The following PLEKHA4 variants were observed in gnomAD, a reference collection of about 807,000 sequenced individuals.
PLEKHA4 encodes pleckstrin homology domain containing A4.
PLEKHA4 carries 73 observed loss-of-function variants against 94.7 expected under a neutral mutation model. The observed-to-expected ratio is 0.77, with a 90% CI of 0.64 to 0.94. The LOEUF (loss-of-function observed/expected upper bound fraction) is 0.94. PLEKHA4 is among the 40% of genes least tolerant of loss of function. PLEKHA4 has a pLI of 0.00. For missense variants in PLEKHA4, 1,049 were observed against 1,054.1 expected (o/e 1.00, Z 0.07); for synonymous variants, 449 against 437.1 (o/e 1.03, Z -0.34).
rs954685327 is a variant in PLEKHA4 at position 48,846,322 on chromosome 19, G to T, written c.1567-706C>A. On this transcript the variant is annotated intron_variant, in intron 14 of 19. Transcript: ENST00000263265. ...AAAAATTAGCCGGGCGTGGTGGCAG[G>T]TGCCTGTAGTCCCAGCTACTCGGGA... Among the ~76,000 whole-genome samples the T allele has an allele frequency of 2.0e-5, 3 of 151,016 alleles. 1 individual carries two copies. In the East Asian group the frequency reaches 5.9e-4, roughly 30 times the overall value.
At chr19:48,849,320 G>T (rs867249821) in intron 13 of PLEKHA4, among the ~76,000 whole-genome samples, 5 of 151,830 alleles carry the variant, frequency 3.3e-5, no homozygotes, top group South Asian at 4.2e-4. Flanking sequence ...TGTTGTTGTT[G>T]TTTTTTAAGA....
At position 48,854,930 on chromosome 19, in the gene PLEKHA4, T is replaced by C. The variant is rs559734887; in HGVS notation, c.1048-666A>G. Among the ~76,000 whole-genome samples the C allele has an allele frequency of 1.6e-4, 24 of 151,920 alleles. No homozygotes were observed. The South Asian group carries it at 5.0e-3, about 31-fold the overall frequency. On this transcript the variant is annotated intron_variant, in intron 9 of 19. Coordinates refer to ENST00000263265, the MANE Select transcript of PLEKHA4 (RefSeq NM_020904.3). The stretch of plus-strand genomic sequence containing the variant: ...TATGTCACCCAGACCAGTCTTGAAC[T>C]CCTGATCTCAAATGATCCTCCTGCC...
intron 17 of PLEKHA4, 143 bp from the exon 18 acceptor site, chr19:48,839,406 G>A: frequency 2.0e-6 from 1 of 488,508 alleles, no homozygotes; most frequent in Non-Finnish European, 3.7e-6. Context: ...CTATGCTTCT[G>A]TAGGCACTGA....
chr19:48,845,338 T>C (rs752281730), intron 16 of PLEKHA4, 32 bp downstream of exon 16: 1 of 1,601,452 alleles, frequency 6.2e-7, no homozygotes, highest in Non-Finnish European at 8.5e-7. Context: ...GATGGTCAGA[T>C]GCAAGGATTA....
intron 16 of PLEKHA4, among the ~76,000 whole-genome samples, chr19:48,843,656 T>A (rs969226620): frequency 6.6e-6 from 1 of 151,574 alleles, no homozygotes; most frequent in Non-Finnish European, 1.5e-5. Context: ...AACTTTTTAT[T>A]TTTTATTTTT....
chr19:48,837,485 C>A lies in PLEKHA4; in HGVS notation c.2144G>T (p.Arg715Leu), dbSNP rs778981994. The stretch of plus-strand genomic sequence containing the variant: ...AGATCTGGGGGGAGGGGTCTCCTGG[C>A]GCGTGGGGTCCGAAGGAGGCAGCGG... ...GVPLPPSDPTRQETPPPRSPP... is the reference protein window; with the variant it reads ...GVPLPPSDPTLQETPPPRSPP... Residue 715 changes from arginine to leucine, a missense_variant, in exon 20 of 20, where the codon CGC becomes CTC. Transcript: ENST00000263265. This position sits in a 1 kb window ranked among gnomAD's most constrained non-coding sequence, Gnocchi z 4.3. 1 of 1,612,846 alleles carries A rather than the reference C, an allele frequency of 6.2e-7. No individual in the cohort carries two copies. The highest frequency in any genetic ancestry group is 8.5e-7 in the Non-Finnish European group (1 of 1,179,506).
At position 48,866,110 on chromosome 19, in the gene PLEKHA4, CTCTT is replaced by C. The variant is rs369550056; in HGVS notation, c.85-504_85-501del. Among the ~76,000 whole-genome samples the C allele has an allele frequency of 9.4e-4, 142 of 151,824 alleles. 1 individual carries two copies. The highest frequency in any genetic ancestry group is 3.2e-3 in the African/African-American group (132 of 41,456). ...GTGTTCTTATTGCAGAGTTAAGAGA[CTCTT>C]TTTTTTTTGACAGGCTCTTTGGAGT... On this transcript the variant is annotated intron_variant, in intron 2 of 19. Coordinates refer to ENST00000263265, the MANE Select transcript of PLEKHA4 (RefSeq NM_020904.3).
intron 6 of PLEKHA4, 59 bp from the exon 7 acceptor site, chr19:48,859,743 C>T: frequency 6.8e-7 from 1 of 1,479,518 alleles, no homozygotes; most frequent in Non-Finnish European, 9.3e-7. Flanking sequence ...GCCCTATTCT[C>T]TTGTCACAGG....
In PLEKHA4 at chr19:48,845,694, A is replaced by G. The variant is rs974633329; in HGVS notation, c.1567-78T>C. The stretch of plus-strand genomic sequence containing the variant: ...ATTACCATGTTGCAAGCATTTAGGC[A>G]TTGGAATACAGTCTGAATAGGATTC... On this transcript the variant is annotated intron_variant, in intron 14 of 19. Transcript: ENST00000263265. The G allele has an allele frequency of 2.7e-5, 32 of 1,170,606 alleles. No homozygotes were observed. The African/African-American group carries it at 4.5e-4, about 17-fold the overall frequency. 72.5% of individuals were successfully genotyped at this position (1,170,606 alleles called of 1,614,324 possible).
chr19:48,837,459 G>T lies in PLEKHA4; in HGVS notation c.2170C>A (p.Pro724Thr), dbSNP rs933708147. 8 of 1,613,012 alleles carry T rather than the reference G, an allele frequency of 5.0e-6. No homozygotes were observed. The African/African-American group carries it at 6.7e-5, about 13-fold the overall frequency. ...TRQETPPPRS[P>T]PVANSGSTGF... ...GTGGAACCCGAATTAGCCACCGGGG[G>T]AGATCTGGGGGGAGGGGTCTCCTGG... Residue 724 changes from proline (P) to threonine (T), a missense_variant, in exon 20 of 20, where the codon CCC becomes ACC. By Grantham distance (38) the Pro-to-Thr change is conservative (BLOSUM62 -1). Transcript: ENST00000263265. The surrounding 1 kb of genome is among the most constrained non-coding windows in gnomAD (Gnocchi z 4.3).
chr19:48,866,235 A>G (rs1222187718), intron 2 of PLEKHA4, among the ~76,000 whole-genome samples: 1 of 151,590 alleles, frequency 6.6e-6, no homozygotes, highest in Non-Finnish European at 1.5e-5. Flanking sequence ...ATGTCCCACC[A>G]TGCCCAGCTA....
intron 16 of PLEKHA4, among the ~76,000 whole-genome samples, chr19:48,842,779 G>A (rs1394568324): frequency 1.3e-5 from 2 of 152,162 alleles, no homozygotes; most frequent in East Asian, 1.9e-4. Context: ...CCTGTGCAGT[G>A]GTCCTCACCC....
Position 48,838,050 on chromosome 19 carries a change from T to C in PLEKHA4, c.2044A>G (p.Thr682Ala). Reference sequence around the variant, plus strand: ...ATTCTGTGCCACTGCGACGCCTCAGTAGCCAGGGCTTGGGAGAGGCTGAGA... The same window carrying C: ...ATTCTGTGCCACTGCGACGCCTCAGCAGCCAGGGCTTGGGAGAGGCTGAGA... ...RVLSLSQALATEASQWHRMMT... is the reference protein window; with the variant it reads ...RVLSLSQALAAEASQWHRMMT... Residue 682 changes from threonine to alanine, a missense_variant, in exon 19 of 20, where the codon ACT (threonine) becomes GCT (alanine). Coordinates refer to ENST00000263265, the MANE Select transcript of PLEKHA4 (RefSeq NM_020904.3). The C allele has an allele frequency of 1.9e-6, 3 of 1,613,244 alleles. No individual in the cohort carries two copies. Among genetic ancestry groups the C allele is most frequent in the Non-Finnish European group, 2.5e-6 (3 of 1,179,738 alleles).
chr19:48,865,584 G>T lies in PLEKHA4; in HGVS notation c.111C>A (p.Ile37=). ...PKKPTRAVNK[I]HAFGKRGNAL... ...CATTGCCTCTCTTCCCAAAGGCGTG[G>T]ATCTTGTTTACTGCCCGGGTGGGCT... Residue 37 remains isoleucine, a synonymous_variant, in exon 3 of 20, where the codon ATC becomes ATA. Coordinates refer to ENST00000263265, the MANE Select transcript of PLEKHA4 (RefSeq NM_020904.3). 1.2e-6 allele frequency: 2 copies of T among 1,613,956 alleles called. No individual in the cohort carries two copies. The highest frequency in any genetic ancestry group is 3.3e-5 in the Admixed American group (2 of 59,970).
chr19:48,854,344 C>G (rs2036322399), intron 9 of PLEKHA4, 80 bp from the exon 10 acceptor site: 1 of 1,217,820 alleles, frequency 8.2e-7, no homozygotes. Context: ...CACGCCCTGT[C>G]TCTACTGATA....
chr19:48,849,626 G>C (rs2036104713), intron 13 of PLEKHA4, among the ~76,000 whole-genome samples: 1 of 152,130 alleles, frequency 6.6e-6, no homozygotes, highest in African/African-American at 2.4e-5. Flanking sequence ...TGTTTTTAAA[G>C]ATACATGATT....
chr19:48,858,996 C>T lies in PLEKHA4; in HGVS notation c.836G>A (p.Arg279Gln), dbSNP rs781323956. The change falls in exon 8 of 20, where the codon CGA (arginine) becomes CAA (glutamine). Residue 279 changes from arginine to glutamine, a missense_variant. Arg to Gln is a conservative substitution (Grantham distance 43). Transcript: ENST00000263265. ...PHTPLSRIDV[R>Q]PPLDWGPQRQ... Reference sequence around the variant, plus strand: ...TTGGGGGCCCCAATCCAGAGGAGGTCGGACATCAATGCGACTCAACGGGGT... The same window carrying T: ...TTGGGGGCCCCAATCCAGAGGAGGTTGGACATCAATGCGACTCAACGGGGT... The T allele has an allele frequency of 6.4e-7, 1 of 1,568,608 alleles. No individual in the cohort carries two copies. Among genetic ancestry groups the T allele is most frequent in the Middle Eastern group, 1.7e-4 (1 of 5,892 alleles).
At chr19:48,860,113 G>A in intron 6 of PLEKHA4, 1 of 584,614 alleles carries the variant, frequency 1.7e-6, no homozygotes, top group Non-Finnish European at 3.0e-6. Flanking sequence ...AGCTGAGTGC[G>A]TGACTGAAGG....
At chr19:48,856,257 G>A (rs1286113962) in intron 9 of PLEKHA4, among the ~76,000 whole-genome samples, 1 of 149,766 alleles carries the variant, frequency 6.7e-6, no homozygotes, top group East Asian at 2.0e-4. Context: ...AGGAGGGGAG[G>A]GGAAGGGGAA....
Sources: gnomAD v4.1 joint callset for allele counts (sites outside exome capture counted in the v4.1 genomes callset) on GRCh38, gnomAD v4.1.1 for gene constraint, Gnocchi (gnomAD v3.1) non-coding constraint, MANE v1.5 for transcripts, NCBI Gene and HGNC (gene_info 2026-07-23, HGNC 2026-07-21) for gene names.